ALLC: variants seen among roughly 807,000 people sequenced by gnomAD.
ALLC encodes the protein allantoicase, also known as probable inactive allantoicase.
A neutral mutation model predicts 45.0 loss-of-function variants in ALLC; 40 were observed. That is an observed-to-expected ratio of 0.89 (90% CI 0.69 to 1.16). ALLC has a LOEUF of 1.16. ALLC is among the 50% of genes most tolerant of loss of function. The probability of loss-of-function intolerance (pLI) is 0.00; values close to 1 mark genes in which losing one functional copy is unlikely to be tolerated. For synonymous variants in ALLC, 176 were observed against 178.1 expected, an observed-to-expected ratio of 0.99 and a Z score of 0.09; for missense variants, 488 against 493.1, an observed-to-expected ratio of 0.99 and a Z score of 0.10.
In ALLC at chr2:3,702,448, C is replaced by G. The variant is rs757039994; in HGVS notation, c.1061C>G (p.Pro354Arg). The G allele has an allele frequency of 1.2e-6, 2 of 1,612,962 alleles. No homozygotes were observed. The highest frequency in any genetic ancestry group is 4.5e-5 in the East Asian group (2 of 44,838). Reference sequence around the variant, plus strand: ...ACTCACGCCAGGCTCACCATCGTCCCCGACGGGGGAGTGAGCCGCCTTCGG... The same window carrying G: ...ACTCACGCCAGGCTCACCATCGTCCGCGACGGGGGAGTGAGCCGCCTTCGG... ...VITHARLTIVPDGGVSRLRLR... is the reference protein window; with the variant it reads ...VITHARLTIVRDGGVSRLRLR... The change falls in exon 12 of 12, where the codon CCC becomes CGC. Residue 354 changes from proline (P) to arginine (R), a missense_variant. Transcript: ENST00000252505.
chr2:3,689,502 T>C (rs1301007184), intron 7 of ALLC, among the ~76,000 whole-genome samples: 4 of 151,160 alleles, frequency 2.6e-5, no homozygotes, highest in Admixed American at 6.6e-5. Context: ...TTTACATGTG[T>C]TTGTGTATTT....
intron 2 of ALLC, 124 bp from the exon 3 acceptor site, chr2:3,673,951 C>G: frequency 1.4e-6 from 1 of 695,020 alleles, no homozygotes; most frequent in Non-Finnish European, 2.5e-6. Flanking sequence ...CAGATTCTGT[C>G]GCTTCCCCTA....
chr2:3,655,697 G>A (rs6723927), upstream of ALLC, among the ~76,000 whole-genome samples: 20,385 of 152,106 alleles, frequency 0.13, 4,043 homozygotes, highest in African/African-American at 0.43. Flanking sequence ...TGGGCTCAAG[G>A]GATCCTCCCG....
At chr2:3,669,753 C>A (rs568171866) in intron 1 of ALLC, among the ~76,000 whole-genome samples, 32 of 152,138 alleles carry the variant, frequency 2.1e-4, no homozygotes, top group Non-Finnish European at 3.8e-4. Flanking sequence ...AAGGTGCCAC[C>A]AAGGCTTTTG....
the ALLC span, among the ~76,000 whole-genome samples, chr2:3,651,446 G>GTGTGTGT: frequency 3.6e-5 from 1 of 27,936 alleles, no homozygotes; most frequent in Admixed American, 5.1e-4. Context: ...TGTGTGTTAG[G>GTGTGTGT]AAGGGAGACG....
intron 7 of ALLC, among the ~76,000 whole-genome samples, chr2:3,685,846 T>G (rs768897546): frequency 6.6e-6 from 1 of 151,080 alleles, no homozygotes; most frequent in African/African-American, 2.4e-5. Flanking sequence ...GCTACTGAGT[T>G]GTTAGCTATT....
intron 2 of ALLC, among the ~76,000 whole-genome samples, chr2:3,671,592 TCTAGTTAGATGGGAGGTCC>T (rs1666871432): frequency 2.7e-5 from 4 of 146,514 alleles, no homozygotes; most frequent in Non-Finnish European, 4.6e-5. Flanking sequence ...GTCCTCTGGC[TCTAGTTAGATGGGAGGTCC>T]TCTGGCTCTG....
At chr2:3,660,256 G>T (rs1269195552) in intron 1 of ALLC, among the ~76,000 whole-genome samples, 1 of 152,160 alleles carries the variant, frequency 6.6e-6, no homozygotes, top group Non-Finnish European at 1.5e-5. Context: ...CTGCACGCCG[G>T]CTCCCTTCAC....
At chr2:3,682,651 G>C (rs55744593) in intron 6 of ALLC, among the ~76,000 whole-genome samples, 3 of 151,900 alleles carry the variant, frequency 2.0e-5, no homozygotes, top group Non-Finnish European at 4.4e-5. Flanking sequence ...TCAGCCTCCC[G>C]AGTAGCTGGG....
rs186237053 is a variant in ALLC, at chr2:3,681,097, C to T, written c.299-537C>T. Among the ~76,000 whole-genome samples the T allele has an allele frequency of 2.0e-5, 3 of 152,328 alleles. No individual in the cohort carries two copies. In the East Asian group the frequency reaches 5.8e-4, roughly 29 times the overall value. ...GCTATGTGCACAGCGCTGCATGAGG[C>T]TCTGTGGACACGAACGGGCCCTGCT... On this transcript the variant is annotated intron_variant, in intron 5 of 11. Transcript: ENST00000252505.
At chr2:3,671,802 T>C (rs1666881412) in intron 2 of ALLC, among the ~76,000 whole-genome samples, 1 of 143,574 alleles carries the variant, frequency 7.0e-6, no homozygotes, top group East Asian at 2.0e-4. Context: ...CCTCTGGCTC[T>C]GGTTAGATGG....
chr2:3,702,274 TA>T, intron 11 of ALLC, 88 bp from the exon 12 acceptor site: 3 of 1,164,954 alleles, frequency 2.6e-6, no homozygotes, highest in Non-Finnish European at 3.6e-6. Flanking sequence ...CGGTTAAGTC[TA>T]AGCCAAAGGT....
intron 8 of ALLC, 51 bp downstream of exon 8, chr2:3,695,923 A>C: frequency 6.5e-7 from 1 of 1,530,558 alleles, no homozygotes; most frequent in South Asian, 1.3e-5. Context: ...GGGTACCGGC[A>C]TTAAATACCC....
At chr2:3,662,984 T>C (rs1666611517) in intron 1 of ALLC, among the ~76,000 whole-genome samples, 1 of 152,210 alleles carries the variant, frequency 6.6e-6, no homozygotes, top group Non-Finnish European at 1.5e-5. Context: ...ATGAGTTCAC[T>C]TTCCATGGGG....
At chr2:3,671,837 T>TCCTCTGGCTCTGGTTAGATG (rs1666882852) in intron 2 of ALLC, among the ~76,000 whole-genome samples, 3 of 25,946 alleles carry the variant, frequency 1.2e-4, no homozygotes, top group Admixed American at 6.5e-4. Context: ...CTGGTTAGAT[T>TCCTCTGGCTCTGGTTAGATG]GGAGGTCCTC....
the ALLC span, among the ~76,000 whole-genome samples, chr2:3,649,799 G>A: frequency 5.9e-5 from 9 of 152,356 alleles, no homozygotes; most frequent in Admixed American, 5.2e-4. Context: ...GTGTGGACGC[G>A]GGAGGAAACC....
In ALLC at chr2:3,672,137, C is replaced by G. The variant is rs1353868037; in HGVS notation, c.33+947C>G. ...TCTAGTTAGATTGGAGGTCCTCTGG[C>G]TCTGGTTAGATGGGAGGTCCTCTGG... On this transcript the variant is annotated intron_variant, in intron 2 of 11. Transcript: ENST00000252505. 1.7e-5 allele frequency among the ~76,000 whole-genome samples: 2 copies of G among 117,138 alleles called. 1 individual carries two copies. Among genetic ancestry groups the G allele is most frequent in the African/African-American group, 7.4e-5 (2 of 27,106 alleles). 76.8% of individuals were successfully genotyped at this position (117,138 alleles called of 152,430 possible).
chr2:3,650,708 C>T, the ALLC span, among the ~76,000 whole-genome samples: 1 of 152,324 alleles, frequency 6.6e-6, no homozygotes, highest in Admixed American at 6.5e-5. Flanking sequence ...GGTACAAACA[C>T]CTCTGCCTCC....
At chr2:3,659,501 A>G (rs1666517663) in intron 1 of ALLC, among the ~76,000 whole-genome samples, 1 of 152,206 alleles carries the variant, frequency 6.6e-6, no homozygotes, top group Non-Finnish European at 1.5e-5. Flanking sequence ...AATGTATTTA[A>G]GAGCTCCCTT....
Sources: allele counts gnomAD v4.1 joint callset (sites outside exome capture counted in the v4.1 genomes callset), GRCh38; gene constraint gnomAD v4.1.1; transcripts MANE v1.5; gene names NCBI Gene and HGNC (gene_info 2026-07-23, HGNC 2026-07-21).